The following NRG3 variants were observed in gnomAD, a reference collection of about 807,000 sequenced individuals.
The protein encoded by NRG3 is pro-neuregulin-3, membrane-bound isoform.
Under a neutral mutation model 66.9 loss-of-function variants are expected in NRG3, and 31 were observed. That is an observed-to-expected ratio of 0.46 (90% CI 0.35 to 0.63). The LOEUF (loss-of-function observed/expected upper bound fraction) is 0.63, where lower values mean the gene tolerates loss of function less well. NRG3 is among the 20% of genes least tolerant of loss of function. NRG3 has a pLI of 0.00. For synonymous variants in NRG3, 393 were observed against 359.4 expected (o/e 1.09, Z -1.06); for missense variants, 910 against 878.9 (o/e 1.04, Z -0.45).
chr10:82,286,830 C>T (rs975900326), intron 1 of NRG3, among the ~76,000 whole-genome samples: 8 of 152,132 alleles, frequency 5.3e-5, no homozygotes, highest in Admixed American at 1.3e-4. Context: ...TCGTGATCTG[C>T]CCACCTCGGC....
At chr10:82,585,810 A>G (rs2046635930) in intron 2 of NRG3, among the ~76,000 whole-genome samples, 2 of 152,156 alleles carry the variant, frequency 1.3e-5, no homozygotes, top group Non-Finnish European at 2.9e-5. Context: ...ACACTGAAGC[A>G]CTTTTTAGTG....
chr10:81,933,126 G>C (rs200220105), intron 1 of NRG3, among the ~76,000 whole-genome samples: 15 of 141,204 alleles, frequency 1.1e-4, no homozygotes, highest in African/African-American at 3.9e-4. Flanking sequence ...AAAAAAAAAA[G>C]AAAAGAAAAA....
At chr10:81,982,645 G>A (rs2060372737) in intron 1 of NRG3, among the ~76,000 whole-genome samples, 1 of 152,158 alleles carries the variant, frequency 6.6e-6, no homozygotes, top group Non-Finnish European at 1.5e-5. Context: ...TTCTGTCTCT[G>A]TTCCCACGTG....
At chr10:82,749,763 C>T (rs2058786584) in intron 3 of NRG3, among the ~76,000 whole-genome samples, 1 of 146,354 alleles carries the variant, frequency 6.8e-6, no homozygotes, top group African/African-American at 2.6e-5. Context: ...AAAGGGTTCA[C>T]TTTTGAGTGA....
At chr10:82,679,202 G>C (rs1422236427) in intron 2 of NRG3, among the ~76,000 whole-genome samples, 1 of 152,178 alleles carries the variant, frequency 6.6e-6, no homozygotes, top group African/African-American at 2.4e-5. Flanking sequence ...CACTCCGTCT[G>C]ACTCTGGACT....
chr10:81,915,705 A>T (rs1845640093), intron 1 of NRG3, among the ~76,000 whole-genome samples: 1 of 152,130 alleles, frequency 6.6e-6, no homozygotes, highest in African/African-American at 2.4e-5. Context: ...CCTGGAGTTT[A>T]TCTAGCACCT....
intron 2 of NRG3, among the ~76,000 whole-genome samples, chr10:82,618,522 T>C (rs2048818143): frequency 6.6e-6 from 1 of 152,126 alleles, no homozygotes; most frequent in Admixed American, 6.5e-5. Flanking sequence ...CAATTAAACA[T>C]TTAAACATAA....
chr10:82,918,931 T>C (rs949871748), intron 4 of NRG3, among the ~76,000 whole-genome samples: 10 of 152,188 alleles, frequency 6.6e-5, no homozygotes, highest in African/African-American at 2.4e-4. Flanking sequence ...CTGGGTGTCC[T>C]GTAATTTGTC....
At chr10:82,018,080 A>G (rs1273105544) in intron 1 of NRG3, among the ~76,000 whole-genome samples, 1 of 152,156 alleles carries the variant, frequency 6.6e-6, no homozygotes, top group African/African-American at 2.4e-5. Context: ...CTAATGTTGA[A>G]GTCTTTAATC....
chr10:82,955,446 C>G (rs1361620670), intron 5 of NRG3, among the ~76,000 whole-genome samples: 2 of 151,874 alleles, frequency 1.3e-5, no homozygotes, highest in Non-Finnish European at 2.9e-5. Context: ...GTAAATTATT[C>G]AAGTTTTTCT....
intron 1 of NRG3, among the ~76,000 whole-genome samples, chr10:81,878,657 G>A (rs547818199): frequency 3.0e-4 from 46 of 152,162 alleles, no homozygotes; most frequent in Non-Finnish European, 6.0e-4. Context: ...CTTTTCCCCA[G>A]CTCCTACCTC....
chr10:82,076,481 T>G (rs982468289), intron 1 of NRG3, among the ~76,000 whole-genome samples: 1 of 152,212 alleles, frequency 6.6e-6, no homozygotes, highest in Non-Finnish European at 1.5e-5. Context: ...TGATATAGTT[T>G]GGTTGCTTGT....
At chr10:81,881,523 G>T (rs911357551) in intron 1 of NRG3, among the ~76,000 whole-genome samples, 13 of 152,064 alleles carry the variant, frequency 8.5e-5, no homozygotes, top group African/African-American at 2.7e-4. Flanking sequence ...CCACAACACA[G>T]TTGAGCAATT....
At chr10:82,341,724 A>T (rs1157206867) in intron 1 of NRG3, among the ~76,000 whole-genome samples, 1 of 152,088 alleles carries the variant, frequency 6.6e-6, no homozygotes, top group Non-Finnish European at 1.5e-5. Flanking sequence ...GTAACCCAAT[A>T]GGTAGTTTTT....
chr10:82,879,958 C>CTTTTTTTTT (rs35159008), intron 4 of NRG3, among the ~76,000 whole-genome samples: 2 of 78,462 alleles, frequency 2.5e-5, no homozygotes, highest in African/African-American at 5.4e-5. Context: ...GATTTCATCC[C>CTTTTTTTTT]TTTTTTTTTT....
At chr10:82,265,561 A>G (rs2078254517) in intron 1 of NRG3, among the ~76,000 whole-genome samples, 1 of 152,204 alleles carries the variant, frequency 6.6e-6, no homozygotes, top group East Asian at 1.9e-4. Flanking sequence ...GATGTGGCGT[A>G]ATAATAGATA....
chr10:82,738,911 T>A (rs2058286756), intron 3 of NRG3, among the ~76,000 whole-genome samples: 1 of 152,188 alleles, frequency 6.6e-6, no homozygotes, highest in African/African-American at 2.4e-5. Flanking sequence ...CCTCCTTAGC[T>A]TTCCTTCTGC....
intron 2 of NRG3, among the ~76,000 whole-genome samples, chr10:82,519,306 G>A (rs1845979862): frequency 6.6e-6 from 1 of 152,092 alleles, no homozygotes; most frequent in African/African-American, 2.4e-5. Context: ...TCTGTGAAAG[G>A]TTTCTCTGTT....
intron 1 of NRG3, among the ~76,000 whole-genome samples, chr10:81,948,499 G>T (rs1849045716): frequency 6.6e-6 from 1 of 152,170 alleles, no homozygotes; most frequent in Non-Finnish European, 1.5e-5. Context: ...CATCACTTTT[G>T]CAATGCAATG....
Sources: allele counts gnomAD v4.1 joint callset (sites outside exome capture counted in the v4.1 genomes callset), GRCh38; gene constraint gnomAD v4.1.1; transcripts MANE v1.5; gene names NCBI Gene and HGNC (gene_info 2026-07-23, HGNC 2026-07-21).